The following GNB4 variants were observed in gnomAD, a reference collection of about 807,000 sequenced individuals.
GNB4 encodes G protein subunit beta 4.
GNB4 carries 28 observed loss-of-function variants against 45.2 expected under a neutral mutation model. The ratio of observed to expected loss-of-function variants is 0.62; its 90% CI spans 0.46 to 0.85. GNB4 has a LOEUF of 0.85. Among genes scored for constraint, GNB4 ranks in the 40% least tolerant of loss-of-function variants. GNB4 has a pLI of 0.00. For missense variants in GNB4, 321 were observed against 425.4 expected, an observed-to-expected ratio of 0.75 and a Z score of 2.16; for synonymous variants, 132 against 143.7, an observed-to-expected ratio of 0.92 and a Z score of 0.58.
At chr3:179,527,140 T>G in the GNB4 span, among the ~76,000 whole-genome samples, 2 of 151,946 alleles carry the variant, frequency 1.3e-5, no homozygotes, top group Non-Finnish European at 2.9e-5. Context: ...TGACTTCTGC[T>G]GGCAGGAAGG....
intron 1 of GNB4, among the ~76,000 whole-genome samples, chr3:179,446,586 TA>T (rs2108622275): frequency 6.6e-6 from 1 of 152,362 alleles, no homozygotes; most frequent in East Asian, 1.9e-4. Context: ...TTTTCAAATC[TA>T]TTTTTTTTAA....
chr3:179,430,099 CAG>C (rs1715265957), intron 1 of GNB4, among the ~76,000 whole-genome samples: 1 of 151,556 alleles, frequency 6.6e-6, no homozygotes, highest in Non-Finnish European at 1.5e-5. Flanking sequence ...GACAGACAGA[CAG>C]ACAGACAGAC....
chr3:179,484,440 C>T, the GNB4 span, among the ~76,000 whole-genome samples: 4 of 152,228 alleles, frequency 2.6e-5, no homozygotes, highest in African/African-American at 9.6e-5. Flanking sequence ...ACTCAAGACA[C>T]TTTCGTGCTC....
At chr3:179,473,429 T>C in the GNB4 span, among the ~76,000 whole-genome samples, 1 of 151,954 alleles carries the variant, frequency 6.6e-6, no homozygotes, top group Non-Finnish European at 1.5e-5. Context: ...TTTATTTTAT[T>C]TTATTTTTAT....
chr3:179,403,270 CTAAAAA>C (rs1194542670), intron 9 of GNB4, among the ~76,000 whole-genome samples: 1 of 149,310 alleles, frequency 6.7e-6, no homozygotes, highest in African/African-American at 2.5e-5. Context: ...AGGAAATATT[CTAAAAA>C]TAAAGACAGG....
At chr3:179,428,692 T>C (rs200923326) in intron 1 of GNB4, among the ~76,000 whole-genome samples, 1 of 152,176 alleles carries the variant, frequency 6.6e-6, no homozygotes, top group East Asian at 1.9e-4. Context: ...ATTATGGTTA[T>C]TATTTGTAGA....
chr3:179,409,832 A>G (rs538696327), intron 8 of GNB4, among the ~76,000 whole-genome samples: 1 of 146,276 alleles, frequency 6.8e-6, no homozygotes, highest in Admixed American at 6.8e-5. Flanking sequence ...AAAAAACAAA[A>G]CAAAAAAAAA....
intron 8 of GNB4, among the ~76,000 whole-genome samples, chr3:179,408,465 C>A (rs1714543008): frequency 6.6e-6 from 1 of 151,902 alleles, no homozygotes; most frequent in Admixed American, 6.6e-5. Context: ...CTTAAAGTCT[C>A]CAAAGGAAGG....
the GNB4 span, among the ~76,000 whole-genome samples, chr3:179,498,911 C>A: frequency 6.6e-6 from 1 of 151,982 alleles, no homozygotes; most frequent in African/African-American, 2.4e-5. Flanking sequence ...TGCTATCCCT[C>A]CCCTAGCCCC....
At chr3:179,415,771 G>T (rs1560214336) in intron 5 of GNB4, among the ~76,000 whole-genome samples, 1 of 151,962 alleles carries the variant, frequency 6.6e-6, no homozygotes, top group African/African-American at 2.4e-5. Flanking sequence ...TGAAAATATA[G>T]TTGAAAGATA....
intron 1 of GNB4, among the ~76,000 whole-genome samples, chr3:179,444,730 T>C (rs1715677153): frequency 6.6e-6 from 1 of 152,158 alleles, no homozygotes; most frequent in Non-Finnish European, 1.5e-5. Flanking sequence ...TATACATGCA[T>C]ACATATATAA....
chr3:179,404,827 C>G (rs547920530), intron 9 of GNB4, among the ~76,000 whole-genome samples: 1 of 152,166 alleles, frequency 6.6e-6, no homozygotes, highest in East Asian at 1.9e-4. Flanking sequence ...TATGTCCTGT[C>G]CCATACAAGA....
chr3:179,467,583 A>T, the GNB4 span, among the ~76,000 whole-genome samples: 1 of 152,166 alleles, frequency 6.6e-6, no homozygotes, highest in African/African-American at 2.4e-5. Flanking sequence ...TGCATTTTTC[A>T]TCTTGAGCAA....
intron 6 of GNB4, 147 bp downstream of exon 6, chr3:179,414,738 T>A: frequency 1.9e-6 from 1 of 532,586 alleles, no homozygotes. Flanking sequence ...TATAAAAAGT[T>A]AATGTTTCCT....
chr3:179,426,824 A>G (rs775425221), intron 1 of GNB4, among the ~76,000 whole-genome samples: 6 of 152,176 alleles, frequency 3.9e-5, no homozygotes, highest in Non-Finnish European at 8.8e-5. Flanking sequence ...CACCATGACC[A>G]TCTCTCACCT....
At chr3:179,505,830 C>T in the GNB4 span, among the ~76,000 whole-genome samples, 2 of 152,104 alleles carry the variant, frequency 1.3e-5, no homozygotes, top group African/African-American at 4.8e-5. Flanking sequence ...CTTCAAACTA[C>T]GTCCCAAAGT....
the GNB4 span, among the ~76,000 whole-genome samples, chr3:179,467,950 G>A: frequency 6.7e-6 from 1 of 149,600 alleles, no homozygotes; most frequent in Non-Finnish European, 1.5e-5. Flanking sequence ...AAAATTTGCA[G>A]GAAGGACCCA....
chr3:179,415,788 TTAA>T (rs1286953884), intron 5 of GNB4, among the ~76,000 whole-genome samples: 6 of 152,176 alleles, frequency 3.9e-5, no homozygotes, highest in African/African-American at 1.2e-4. Flanking sequence ...GATAATGTGC[TTAA>T]TGATGATTAA....
At chr3:179,493,412 C>T in the GNB4 span, among the ~76,000 whole-genome samples, 1 of 151,120 alleles carries the variant, frequency 6.6e-6, no homozygotes, top group Non-Finnish European at 1.5e-5. Flanking sequence ...AATCCTAGAA[C>T]TGAGGAATAC....
Sources: allele counts gnomAD v4.1 joint callset (sites outside exome capture counted in the v4.1 genomes callset), GRCh38; gene constraint gnomAD v4.1.1; transcripts MANE v1.5; gene names NCBI Gene and HGNC (gene_info 2026-07-23, HGNC 2026-07-21).